The following SHISA5 variants were observed in gnomAD, a reference collection of about 807,000 sequenced individuals.
SHISA5 encodes the protein shisa family member 5.
In SHISA5, 21 loss-of-function variants were observed where a neutral mutation model predicts 27.5. The observed-to-expected ratio is 0.76, with a 90% confidence interval of 0.54 to 1.10. The LOEUF (loss-of-function observed/expected upper bound fraction) is 1.10, where lower values mean the gene tolerates loss of function less well. Among genes scored for constraint, SHISA5 ranks in the 50% least tolerant of loss-of-function variants. The pLI is 0.00. For missense variants in SHISA5, 314 were observed against 336.3 expected (o/e 0.93, Z 0.52); for synonymous variants, 137 against 142.2 (o/e 0.96, Z 0.26).
rs1477711003 is a variant in SHISA5 at position 48,467,886 on chromosome 3, TG to T, written c.*1220del. On this transcript the variant is annotated 3_prime_UTR_variant, in exon 6 of 6. Transcript: ENST00000296444. Reference sequence around the variant, plus strand: ...AAAGGGGGCAGCAGCTCCAAACGATTGCATTTATTATAAACAAGTGTACAGA... The same window carrying T: ...AAAGGGGGCAGCAGCTCCAAACGATTCATTTATTATAAACAAGTGTACAGA... 1.2e-5 allele frequency: 6 copies of T among 508,076 alleles called. No individual in the cohort carries two copies. In the East Asian group the frequency reaches 2.2e-4, roughly 18 times the overall value. 31.5% of individuals were successfully genotyped at this position (508,076 alleles called of 1,614,324 possible).
chr3:48,473,349 G>C lies in SHISA5; in HGVS notation c.315-3506C>G. 7.3e-7 allele frequency: 1 copy of C among 1,367,724 alleles called. No individual in the cohort carries two copies. The highest frequency in any genetic ancestry group is 3.9e-5 in the East Asian group (1 of 25,612). 84.7% of individuals were successfully genotyped at this position (1,367,724 alleles called of 1,614,324 possible). ...CTCAGAATGCAGCCTGGCCACTAGG[G>C]GGTCTAAGAGCCACCCCAGCCTCAG... On this transcript the variant is annotated intron_variant, in intron 3 of 5. Coordinates refer to ENST00000296444, the MANE Select transcript of SHISA5 (RefSeq NM_016479.6). The surrounding 1 kb of genome is among the most constrained non-coding windows in gnomAD (Gnocchi z 4.3).
chr3:48,500,515 T>C (rs572325746), intron 2 of SHISA5, among the ~76,000 whole-genome samples: 76 of 152,200 alleles, frequency 5.0e-4, no homozygotes, highest in African/African-American at 1.8e-3. Flanking sequence ...GATGATCACC[T>C]GCCATGAGCA....
intron 3 of SHISA5, among the ~76,000 whole-genome samples, chr3:48,471,509 C>T (rs1290265637): frequency 1.4e-5 from 2 of 143,036 alleles, no homozygotes; most frequent in East Asian, 2.1e-4. Flanking sequence ...GAGCCAAGAT[C>T]GCACCACTGC....
intron 2 of SHISA5, chr3:48,479,525 A>C (rs2040934237): frequency 4.0e-6 from 2 of 499,834 alleles, no homozygotes; most frequent in Non-Finnish European, 7.2e-6. Flanking sequence ...ATACCATACA[A>C]AGGATCTTCT....
intron 2 of SHISA5, among the ~76,000 whole-genome samples, chr3:48,484,323 C>T (rs1246174272): frequency 6.6e-6 from 1 of 152,098 alleles, no homozygotes; most frequent in Non-Finnish European, 1.5e-5. Flanking sequence ...GGGCTGGGTG[C>T]GGTGGCTCAT....
At chr3:48,483,891 AT>A (rs1365013755) in intron 2 of SHISA5, among the ~76,000 whole-genome samples, 1 of 151,834 alleles carries the variant, frequency 6.6e-6, no homozygotes, top group Non-Finnish European at 1.5e-5. Flanking sequence ...AATTTTTTGA[AT>A]TTTTTGTAGA....
chr3:48,473,858 C>T lies in SHISA5; in HGVS notation c.315-4015G>A, dbSNP rs1237882025. On this transcript the variant is annotated intron_variant, in intron 3 of 5. Coordinates refer to ENST00000296444, the MANE Select transcript of SHISA5 (RefSeq NM_016479.6). This position sits in a 1 kb window ranked among gnomAD's most constrained non-coding sequence, Gnocchi z 4.3. ...TTTGGGAAGCTTGAGCCCAGGAGTT[C>T]GAGACCAGCCTGGGCAACATGGCAA... Among the ~76,000 whole-genome samples, 2 of 151,968 alleles carry T rather than the reference C, an allele frequency of 1.3e-5. No homozygotes were observed. Among genetic ancestry groups the T allele is most frequent in the Non-Finnish European group, 2.9e-5 (2 of 67,984 alleles).
chr3:48,469,077 C>A lies in SHISA5; in HGVS notation c.*30G>T. On this transcript the variant is annotated 3_prime_UTR_variant, in exon 6 of 6. Transcript: ENST00000296444. This position sits in a 1 kb window ranked among gnomAD's most constrained non-coding sequence, Gnocchi z 4.6. ...CACTCACGCACACACACAACATAAC[C>A]AAGTGGCAGCCAGAGAGGCCAGGGA... The A allele has an allele frequency of 6.2e-7, 1 of 1,612,218 alleles. No homozygotes were observed.
chr3:48,500,997 C>G (rs548402076), intron 2 of SHISA5, 140 bp downstream of exon 2: 1 of 999,702 alleles, frequency 1.0e-6, no homozygotes, highest in South Asian at 1.7e-5. Context: ...CAGGGGATCC[C>G]TAAACCCTCT....
intron 3 of SHISA5, among the ~76,000 whole-genome samples, chr3:48,472,533 G>T (rs770764467): frequency 3.2e-4 from 48 of 152,124 alleles, no homozygotes; most frequent in Non-Finnish European, 5.0e-4. Flanking sequence ...TTTAAAAGGT[G>T]TCAGCCACCA....
intron 2 of SHISA5, among the ~76,000 whole-genome samples, chr3:48,482,042 C>T (rs1361412279): frequency 6.9e-6 from 1 of 145,414 alleles, no homozygotes; most frequent in Non-Finnish European, 1.5e-5. Context: ...GCACTCCAGC[C>T]TGGGGGACAG....
rs1333594955 is a variant in SHISA5, at chr3:48,486,547, TA to T, written c.234-7291del. Among the ~76,000 whole-genome samples, 38 of 122,092 alleles carry T rather than the reference TA, an allele frequency of 3.1e-4. No homozygotes were observed. The South Asian group carries it at 8.2e-3, about 26-fold the overall frequency. 80.1% of individuals were successfully genotyped at this position (122,092 alleles called of 152,430 possible). A position where few individuals can be genotyped will look rare whatever the true frequency, so the allele number is the denominator to read the frequency against. On this transcript the variant is annotated intron_variant, in intron 2 of 5. Coordinates refer to ENST00000296444, the MANE Select transcript of SHISA5 (RefSeq NM_016479.6). The stretch of plus-strand genomic sequence containing the variant: ...ATATAATATAATTATAAATATATAT[TA>T]TATATTATATAGATTATAGATTTTA...
chr3:48,495,775 C>T (rs1241359539), intron 2 of SHISA5, among the ~76,000 whole-genome samples: 2 of 147,428 alleles, frequency 1.4e-5, no homozygotes, highest in African/African-American at 5.4e-5. Context: ...CCCACCTCAG[C>T]CTTCCAAAGT....
At chr3:48,485,102 G>A (rs1464639162) in intron 2 of SHISA5, among the ~76,000 whole-genome samples, 1 of 151,872 alleles carries the variant, frequency 6.6e-6, no homozygotes, top group African/African-American at 2.4e-5. Context: ...TCACTTGAGG[G>A]AGGTAGAGGC....
intron 3 of SHISA5, among the ~76,000 whole-genome samples, chr3:48,478,963 C>T (rs1204993566): frequency 6.6e-5 from 10 of 152,114 alleles, no homozygotes; most frequent in Admixed American, 6.6e-4. Flanking sequence ...CAACCCCCGA[C>T]CACAGTCACC....
At chr3:48,475,975 G>A (rs762345433) in intron 3 of SHISA5, among the ~76,000 whole-genome samples, 1 of 152,224 alleles carries the variant, frequency 6.6e-6, no homozygotes, top group Non-Finnish European at 1.5e-5. Flanking sequence ...TCCTGCGGCA[G>A]GGGTTCTGGG....
intron 2 of SHISA5, among the ~76,000 whole-genome samples, chr3:48,497,000 C>T (rs942240076): frequency 4.6e-5 from 7 of 151,770 alleles, no homozygotes; most frequent in Admixed American, 1.3e-4. Flanking sequence ...GAGGCTGAGG[C>T]GGGTGGATCA....
chr3:48,503,018 G>T, intron 1 of SHISA5: 1 of 1,061,534 alleles, frequency 9.4e-7, no homozygotes, highest in Non-Finnish European at 1.3e-6. Flanking sequence ...GGCAGCTCCA[G>T]GCAGAACCCT....
chr3:48,494,062 T>G (rs1219810840), intron 2 of SHISA5, among the ~76,000 whole-genome samples: 1 of 147,078 alleles, frequency 6.8e-6, no homozygotes, highest in East Asian at 1.9e-4. Flanking sequence ...AATAGATCTC[T>G]TGAACTTACT....
Sources: gnomAD v4.1 joint callset for allele counts (sites outside exome capture counted in the v4.1 genomes callset) on GRCh38, gnomAD v4.1.1 for gene constraint, Gnocchi (gnomAD v3.1) non-coding constraint, MANE v1.5 for transcripts, NCBI Gene and HGNC (gene_info 2026-07-23, HGNC 2026-07-21) for gene names.